The following RPTOR variants were observed in gnomAD, a reference collection of about 807,000 sequenced individuals.
The protein encoded by RPTOR is regulatory-associated protein of mTOR.
Under a neutral mutation model 169.9 loss-of-function variants are expected in RPTOR, and 21 were observed. That is an observed-to-expected ratio of 0.12 (90% CI 0.09 to 0.18). RPTOR has a LOEUF of 0.18. RPTOR is among the 10% of genes least tolerant of loss of function. RPTOR has a pLI of 1.00. For synonymous variants in RPTOR, 732 were observed against 753.2 expected (o/e 0.97, Z 0.46); for missense variants, 1,133 against 1,855.9 (o/e 0.61, Z 7.16).
intron 10 of RPTOR, among the ~76,000 whole-genome samples, chr17:80,838,699 G>C (rs1399344265): frequency 6.6e-6 from 1 of 152,246 alleles, no homozygotes; most frequent in East Asian, 1.9e-4. Context: ...GGGAGGCCAG[G>C]GATGGGGGAG....
chr17:80,886,357 G>T (rs754254350), intron 17 of RPTOR, among the ~76,000 whole-genome samples: 1 of 152,232 alleles, frequency 6.6e-6, no homozygotes, highest in Non-Finnish European at 1.5e-5. Context: ...AAAATAGGAA[G>T]TGAGGTTCCG....
intron 1 of RPTOR, among the ~76,000 whole-genome samples, chr17:80,567,078 C>G (rs2064851563): frequency 6.6e-6 from 1 of 151,762 alleles, no homozygotes. Context: ...TCAAGCGATT[C>G]TCATGCCTCA....
chr17:80,835,260 T>C (rs1027989776), intron 9 of RPTOR, among the ~76,000 whole-genome samples: 1 of 152,196 alleles, frequency 6.6e-6, no homozygotes, highest in Non-Finnish European at 1.5e-5. Flanking sequence ...CTTTTACTTT[T>C]TTTTCTGGAT....
intron 13 of RPTOR, chr17:80,858,105 C>G (rs914433317): frequency 1.7e-6 from 1 of 587,316 alleles, no homozygotes; most frequent in African/African-American, 1.9e-5. Flanking sequence ...CCTACCTGTC[C>G]TGTCCCTGGC....
intron 2 of RPTOR, among the ~76,000 whole-genome samples, chr17:80,627,757 T>G (rs2065406897): frequency 1.3e-5 from 2 of 152,232 alleles, no homozygotes. Flanking sequence ...TATAAGCACT[T>G]GATCTTTGTG....
chr17:80,701,835 G>A (rs1046318135), intron 3 of RPTOR, among the ~76,000 whole-genome samples: 15 of 152,158 alleles, frequency 9.9e-5, no homozygotes, highest in African/African-American at 3.6e-4. Context: ...GGCTACCCCT[G>A]GTGGGATTTT....
At chr17:80,888,574 G>C (rs758375012) in intron 17 of RPTOR, among the ~76,000 whole-genome samples, 3 of 152,224 alleles carry the variant, frequency 2.0e-5, no homozygotes, top group Non-Finnish European at 4.4e-5. Flanking sequence ...CAGTGCAGCC[G>C]TGTCAACACT....
rs531406781 is a variant in RPTOR, at chr17:80,680,119, G to T, written c.349-27722G>T. Among the ~76,000 whole-genome samples the T allele has an allele frequency of 1.2e-4, 18 of 152,302 alleles. No homozygotes were observed. The South Asian group carries it at 3.7e-3, about 32-fold the overall frequency. ...CCCTCCTCAGCCTGCTGGCTCTTCT[G>T]TGCAGGACCTCAGACTGCCAGGCTC... On this transcript the variant is annotated intron_variant, in intron 3 of 33. Coordinates refer to ENST00000306801, the MANE Select transcript of RPTOR (RefSeq NM_020761.3).
chr17:80,815,043 G>T (rs2067309608), intron 7 of RPTOR, among the ~76,000 whole-genome samples: 1 of 152,258 alleles, frequency 6.6e-6, no homozygotes, highest in Admixed American at 6.5e-5. Context: ...GGAAAGCGAT[G>T]TATTTGGTGA....
At position 80,708,573 on chromosome 17, in the gene RPTOR, G is replaced by A. The variant is rs2066158989; in HGVS notation, c.507+574G>A. 6.7e-6 allele frequency among the ~76,000 whole-genome samples: 1 copy of A among 150,316 alleles called. No homozygotes were observed. The highest frequency in any genetic ancestry group is 2.1e-4 in the South Asian group (1 of 4,776). ...TGTCATCCCCATCCTCCAGGGTGTGGTGGGTGCTGACTGTTGTCCCCACCC... is the reference window on the plus strand; with the variant it reads ...TGTCATCCCCATCCTCCAGGGTGTGATGGGTGCTGACTGTTGTCCCCACCC... On this transcript the variant is annotated intron_variant, in intron 4 of 33. Transcript: ENST00000306801. The surrounding 1 kb of genome is among the most constrained non-coding windows in gnomAD (Gnocchi z 4.2).
rs1400017444 is a variant in RPTOR, at chr17:80,562,387, C to T, written c.162+16596C>T. Among the ~76,000 whole-genome samples the T allele has an allele frequency of 6.6e-6, 1 of 152,180 alleles. No homozygotes were observed. The highest frequency in any genetic ancestry group is 1.5e-5 in the Non-Finnish European group (1 of 68,036). On this transcript the variant is annotated intron_variant, in intron 1 of 33. Transcript: ENST00000306801. This position sits in a 1 kb window ranked among gnomAD's most constrained non-coding sequence, Gnocchi z 4.4. Reference sequence around the variant, plus strand: ...TCGTTTACCCCTGCTTCCCCTCACTCCCCTGCTTGGGGGCTGGGTGGTCAT... The same window carrying T: ...TCGTTTACCCCTGCTTCCCCTCACTTCCCTGCTTGGGGGCTGGGTGGTCAT...
intron 13 of RPTOR, among the ~76,000 whole-genome samples, chr17:80,877,723 T>C (rs1025308656): frequency 6.6e-6 from 1 of 152,154 alleles, no homozygotes; most frequent in Non-Finnish European, 1.5e-5. Context: ...GGTCGATGCA[T>C]CTCAGTTTAT....
Position 80,855,604 on chromosome 17 carries a change from C to T in RPTOR, c.1398+57C>T, listed in dbSNP as rs561713566. On this transcript the variant is annotated intron_variant, in intron 12 of 33. Coordinates refer to ENST00000306801, the MANE Select transcript of RPTOR (RefSeq NM_020761.3). ...AGGGAGGTGGGACAGAGATTAGGCT[C>T]CGTGTTTCAGTCTGTGCACGTATTT... The T allele has an allele frequency of 9.6e-5, 125 of 1,299,924 alleles. No individual in the cohort carries two copies. The African/African-American group carries it at 1.7e-3, about 17-fold the overall frequency. 80.5% of individuals were successfully genotyped at this position (1,299,924 alleles called of 1,614,324 possible). A position where few individuals can be genotyped will look rare whatever the true frequency, so the allele number is the denominator to read the frequency against.
intron 20 of RPTOR, among the ~76,000 whole-genome samples, chr17:80,896,378 C>CACA (rs1567974506): frequency 6.7e-6 from 1 of 148,736 alleles, no homozygotes; most frequent in Non-Finnish European, 1.5e-5. Flanking sequence ...CGACACCCCA[C>CACA]GCGGCCTCGC....
At chr17:80,636,977 A>T (rs1599624004) in intron 2 of RPTOR, among the ~76,000 whole-genome samples, 5 of 152,212 alleles carry the variant, frequency 3.3e-5, no homozygotes. Context: ...CTGGGAGTAG[A>T]TGCACGGTGC....
chr17:80,927,812 T>A (rs2068830883), intron 24 of RPTOR, among the ~76,000 whole-genome samples: 1 of 151,714 alleles, frequency 6.6e-6, no homozygotes, highest in African/African-American at 2.4e-5. Flanking sequence ...TTCTTCAGAT[T>A]AGCAGCCCCT....
intron 6 of RPTOR, among the ~76,000 whole-genome samples, chr17:80,772,565 C>A (rs1299514277): frequency 6.7e-6 from 1 of 148,776 alleles, no homozygotes; most frequent in East Asian, 2.0e-4. Context: ...CCTCCCCGCC[C>A]TTGTCTGGTC....
intron 6 of RPTOR, among the ~76,000 whole-genome samples, chr17:80,769,825 C>G (rs1435287967): frequency 2.6e-5 from 4 of 152,160 alleles, no homozygotes; most frequent in Non-Finnish European, 5.9e-5. Flanking sequence ...GGATGGTGGC[C>G]AGGACACGAG....
intron 3 of RPTOR, among the ~76,000 whole-genome samples, chr17:80,668,911 T>C (rs539984732): frequency 1.3e-5 from 2 of 152,360 alleles, no homozygotes; most frequent in South Asian, 4.1e-4. Context: ...TCCAGTATTC[T>C]GTAAAGGACG....
Sources: gnomAD v4.1 joint callset for allele counts (sites outside exome capture counted in the v4.1 genomes callset) on GRCh38, gnomAD v4.1.1 for gene constraint, Gnocchi (gnomAD v3.1) non-coding constraint, MANE v1.5 for transcripts, NCBI Gene and HGNC (gene_info 2026-07-23, HGNC 2026-07-21) for gene names.